Variants in GPD1L observed in about 807,000 individuals in gnomAD.
The protein encoded by GPD1L is glycerol-3-phosphate dehydrogenase 1-like protein.
Under a neutral mutation model 32.9 loss-of-function variants are expected in GPD1L, and 17 were observed. That is an observed-to-expected ratio of 0.52 (90% CI 0.35 to 0.78). The LOEUF is 0.78. Ranked by LOEUF, GPD1L falls within the 30% of genes least tolerant of loss-of-function variation. The probability of loss-of-function intolerance (pLI) is 0.01; values close to 1 mark genes in which losing one functional copy is unlikely to be tolerated. For synonymous variants in GPD1L, 187 were observed against 165.9 expected, an observed-to-expected ratio of 1.13 and a Z score of -0.98; for missense variants, 361 against 447.8, an observed-to-expected ratio of 0.81 and a Z score of 1.75.
At chr3:32,151,324 GT>G in intron 5 of GPD1L, 1 of 658,862 alleles carries the variant, frequency 1.5e-6, no homozygotes, top group South Asian at 1.7e-5. Context: ...CCCTTAACTT[GT>G]TTACCACAAT....
chr3:32,156,423 G>T (rs76497540), intron 5 of GPD1L, among the ~76,000 whole-genome samples: 17,601 of 152,230 alleles, frequency 0.12, 1,110 homozygotes, highest in African/African-American at 0.14. Flanking sequence ...ACTGCAATGA[G>T]AGGCATAAGC....
Position 32,117,159 on chromosome 3 carries a change from T to C in GPD1L, c.47+10401T>C, listed in dbSNP as rs1441035040. Among the ~76,000 whole-genome samples, 5 of 152,340 alleles carry C rather than the reference T, an allele frequency of 3.3e-5. No individual in the cohort carries two copies. In the East Asian group the frequency reaches 5.8e-4, roughly 18 times the overall value. ...ATCTATACATAAAGAACATCTTCAT[T>C]CTTTTTTATACTTGTATAATATTGC... On this transcript the variant is annotated intron_variant, in intron 1 of 7. Transcript: ENST00000282541.
chr3:32,167,689 A>G lies in GPD1L; in HGVS notation c.*1779A>G, dbSNP rs1488767329. On this transcript the variant is annotated 3_prime_UTR_variant, in exon 8 of 8. Coordinates refer to ENST00000282541, the MANE Select transcript of GPD1L (RefSeq NM_015141.4). ...AAATGAACATATGAATGTAATTTAT[A>G]TATTCCTAGAATTTAAGTTACTTTG... The G allele has an allele frequency of 6.5e-6, 1 of 152,678 alleles. No individual in the cohort carries two copies. The highest frequency in any genetic ancestry group is 1.5e-5 in the Non-Finnish European group (1 of 68,040). The allele number at this position is 152,678 out of a possible 1,614,324, so 9.5% of individuals were successfully genotyped here. A position where few individuals can be genotyped will look rare whatever the true frequency, so the allele number is the denominator to read the frequency against.
chr3:32,154,983 A>G (rs1473297965), intron 5 of GPD1L, among the ~76,000 whole-genome samples: 2 of 152,114 alleles, frequency 1.3e-5, no homozygotes, highest in African/African-American at 4.8e-5. Context: ...TCCTGAGCTC[A>G]AGCAATCCAC....
At chr3:32,164,086 A>T (rs914063755) in intron 7 of GPD1L, among the ~76,000 whole-genome samples, 1 of 152,182 alleles carries the variant, frequency 6.6e-6, no homozygotes, top group Non-Finnish European at 1.5e-5. Flanking sequence ...CAGCAGATAT[A>T]TTATGTCTTG....
intron 1 of GPD1L, among the ~76,000 whole-genome samples, chr3:32,112,462 C>T (rs993595682): frequency 2.0e-5 from 3 of 152,098 alleles, no homozygotes; most frequent in South Asian, 2.1e-4. Context: ...TAGTGAGACC[C>T]TGTCTGTACA....
chr3:32,108,632 G>A (rs1027582027), intron 1 of GPD1L, among the ~76,000 whole-genome samples: 3 of 152,226 alleles, frequency 2.0e-5, no homozygotes, highest in Admixed American at 6.5e-5. Flanking sequence ...CCAGTGTTAT[G>A]AATTACTTCT....
At chr3:32,129,114 GTCAGA>G (rs1700553454) in intron 2 of GPD1L, among the ~76,000 whole-genome samples, 1 of 152,190 alleles carries the variant, frequency 6.6e-6, no homozygotes, top group South Asian at 2.1e-4. Flanking sequence ...TTCTTCTGTT[GTCAGA>G]TTCACCCCTT....
At chr3:32,146,874 C>G (rs192337777) in intron 5 of GPD1L, 140 bp downstream of exon 5, 9 of 709,198 alleles carry the variant, frequency 1.3e-5, no homozygotes, top group African/African-American at 8.7e-5. Context: ...TTTATAACTT[C>G]CTGTTTTGCT....
intron 1 of GPD1L, among the ~76,000 whole-genome samples, chr3:32,115,315 T>C (rs9880298): frequency 0.41 from 62,025 of 150,830 alleles, 14,533 homozygotes; most frequent in East Asian, 0.64. Flanking sequence ...GGTGCATTTA[T>C]AATCCTTTAG....
intron 5 of GPD1L, among the ~76,000 whole-genome samples, chr3:32,148,447 T>C (rs1039118905): frequency 2.6e-5 from 4 of 152,182 alleles, no homozygotes; most frequent in Non-Finnish European, 4.4e-5. Context: ...TTGAAGGCCC[T>C]TAATCATCCT....
In GPD1L at chr3:32,140,350, C is replaced by G; in HGVS notation, c.489C>G (p.Phe163Leu). Residue 163 changes from phenylalanine to leucine, a missense_variant, in exon 4 of 8, where the codon TTC becomes TTG. By Grantham distance (22) the Phe-to-Leu change is conservative. Transcript: ENST00000282541. ...CCAATGAGGTGGCTGCAGAGAAGTTCTGTGAGACCACCATCGGTAAGCACT... is the reference window on the plus strand; with the variant it reads ...CCAATGAGGTGGCTGCAGAGAAGTTGTGTGAGACCACCATCGGTAAGCACT... ...NIANEVAAEK[F>L]CETTIGSKVM... 1.9e-6 allele frequency: 3 copies of G among 1,614,136 alleles called. No individual in the cohort carries two copies. Among genetic ancestry groups the G allele is most frequent in the Non-Finnish European group, 1.7e-6 (2 of 1,180,000 alleles).
intron 5 of GPD1L, chr3:32,158,668 G>T: frequency 2.6e-6 from 3 of 1,142,734 alleles, no homozygotes; most frequent in South Asian, 3.2e-5. Context: ...TGGGCTCTTT[G>T]TCCTAGAAAG....
chr3:32,150,434 G>A (rs894142168), intron 5 of GPD1L, among the ~76,000 whole-genome samples: 7 of 150,186 alleles, frequency 4.7e-5, no homozygotes, highest in Admixed American at 1.3e-4. Flanking sequence ...GCACCACAGC[G>A]CCTGATTTAT....
At chr3:32,115,740 C>T (rs532022431) in intron 1 of GPD1L, among the ~76,000 whole-genome samples, 9 of 127,492 alleles carry the variant, frequency 7.1e-5, no homozygotes, top group Admixed American at 5.4e-4. Flanking sequence ...CATCTAAACC[C>T]TTTTCGTGTA....
intron 1 of GPD1L, among the ~76,000 whole-genome samples, chr3:32,125,235 G>A (rs938492566): frequency 1.3e-5 from 2 of 152,160 alleles, no homozygotes; most frequent in African/African-American, 4.8e-5. Context: ...CACTTGGAGT[G>A]GCCTCTAGTT....
At position 32,158,977 on chromosome 3, in the gene GPD1L, T is replaced by C. The variant is rs1701036283; in HGVS notation, c.720T>C (p.Phe240=). The change falls in exon 6 of 8, where the codon TTT becomes TTC. Residue 240 remains phenylalanine, a synonymous_variant. Transcript: ENST00000282541. ...TGGGACTCATGGAAATGATTGCTTTTGCCAGGATCTTCTGCAAAGGCCAAG... is the reference window on the plus strand; with the variant it reads ...TGGGACTCATGGAAATGATTGCTTTCGCCAGGATCTTCTGCAAAGGCCAAG... ...IRLGLMEMIA[F]ARIFCKGQVS... is the part of the protein sequence containing the mutation. The C allele has an allele frequency of 1.2e-6, 2 of 1,614,006 alleles. No homozygotes were observed. The highest frequency in any genetic ancestry group is 2.7e-5 in the African/African-American group (2 of 74,948).
At chr3:32,162,876 A>T (rs34730555) in intron 7 of GPD1L, among the ~76,000 whole-genome samples, 2 of 151,816 alleles carry the variant, frequency 1.3e-5, no homozygotes, top group South Asian at 2.1e-4. Flanking sequence ...CTCTTGCCTC[A>T]GCCTCTCCAG....
intron 7 of GPD1L, among the ~76,000 whole-genome samples, chr3:32,162,940 G>A (rs1270759168): frequency 6.6e-6 from 1 of 151,900 alleles, no homozygotes; most frequent in Admixed American, 6.6e-5. Context: ...TGCATTTTTA[G>A]TAGAGACTGG....
Sources: gnomAD v4.1 joint callset for allele counts (sites outside exome capture counted in the v4.1 genomes callset) on GRCh38, gnomAD v4.1.1 for gene constraint, MANE v1.5 for transcripts, NCBI Gene and HGNC (gene_info 2026-07-23, HGNC 2026-07-21) for gene names.